Variants in GJA8 observed in about 807,000 individuals in gnomAD.
The protein encoded by GJA8 is gap junction protein alpha 8.
Under a neutral mutation model 15.3 loss-of-function variants are expected in GJA8, and 13 were observed. That is an observed-to-expected ratio of 0.85 (90% CI 0.55 to 1.35). The LOEUF (loss-of-function observed/expected upper bound fraction) is 1.35. Among genes scored for constraint, GJA8 ranks in the 40% most tolerant of loss-of-function variants. GJA8 has a pLI of 0.00. For synonymous variants in GJA8, 304 were observed against 238.7 expected (o/e 1.27, Z -2.52); for missense variants, 607 against 553.3 (o/e 1.10, Z -0.97).
Position 147,908,199 on chromosome 1 carries a change from A to G in GJA8, c.244A>G (p.Ile82Val), listed in dbSNP as rs1558009297. 8.1e-6 allele frequency: 13 copies of G among 1,614,190 alleles called. No individual in the cohort carries two copies. Among genetic ancestry groups the G allele is most frequent in the Non-Finnish European group, 1.1e-5 (13 of 1,180,034 alleles). The part of the protein sequence containing the change: ...ISHIRLWVLQ[I>V]IFVSTPSLMY... The stretch of plus-strand genomic sequence containing the variant: ...CCACATTCGCCTCTGGGTGCTGCAG[A>G]TCATCTTCGTCTCCACCCCGTCCCT... Residue 82 changes from isoleucine to valine, a missense_variant, in exon 2 of 2, where the codon ATC (isoleucine) becomes GTC (valine). Coordinates refer to ENST00000369235, the MANE Select transcript of GJA8 (RefSeq NM_005267.5).
intron 1 of GJA8, among the ~76,000 whole-genome samples, chr1:147,905,391 G>A (rs956296711): frequency 1.3e-5 from 2 of 152,228 alleles, no homozygotes; most frequent in Non-Finnish European, 2.9e-5. Context: ...CTGAGAGCAT[G>A]TGCTCATCAC....
downstream of GJA8, among the ~76,000 whole-genome samples, chr1:147,909,845 G>A (rs113497979): frequency 1.3e-5 from 2 of 152,128 alleles, no homozygotes; most frequent in Non-Finnish European, 2.9e-5. Context: ...TGGTCTTTCT[G>A]ATTTTTCAAG....
chr1:147,905,821 C>T (rs1443677660), intron 1 of GJA8, among the ~76,000 whole-genome samples: 1 of 152,212 alleles, frequency 6.6e-6, no homozygotes, highest in African/African-American at 2.4e-5. Context: ...TCCCCCTCTC[C>T]ATTACCCATT....
At chr1:147,905,510 A>T (rs587759434) in intron 1 of GJA8, among the ~76,000 whole-genome samples, 6 of 152,370 alleles carry the variant, frequency 3.9e-5, no homozygotes, top group African/African-American at 1.4e-4. Flanking sequence ...TATTAGTAAG[A>T]TAGTAAGATA....
chr1:147,908,963 G>T lies in GJA8; in HGVS notation c.1008G>T (p.Pro336=), dbSNP rs782777317. Residue 336 remains proline (P), a synonymous_variant, in exon 2 of 2, where the codon CCG becomes CCT. Coordinates refer to ENST00000369235, the MANE Select transcript of GJA8 (RefSeq NM_005267.5). ...CACAAGAAGTGGAGGGCGAGGGGCCGCCTGCAGAGGAGGGAGCCGAACCCG... is the reference window on the plus strand; with the variant it reads ...CACAAGAAGTGGAGGGCGAGGGGCCTCCTGCAGAGGAGGGAGCCGAACCCG... ...VGAQEVEGEG[P]PAEEGAEPEV... The T allele has an allele frequency of 8.7e-6, 14 of 1,602,444 alleles. No individual in the cohort carries two copies. In the South Asian group the frequency reaches 1.6e-4, roughly 18 times the overall value.
rs369615842 is a variant in GJA8, at chr1:147,908,161, C to G, written c.206C>G (p.Ala69Gly). 6.2e-7 allele frequency: 1 copy of G among 1,614,098 alleles called. No homozygotes were observed. Among genetic ancestry groups the G allele is most frequent in the Non-Finnish European group, 8.5e-7 (1 of 1,180,026 alleles). ...TGCGAGAACGTCTGCTACGACGAGG[C>G]CTTTCCCATCTCCCACATTCGCCTC... ...PGCENVCYDE[A>G]FPISHIRLWV... Residue 69 changes from alanine (A) to glycine (G), a missense_variant, in exon 2 of 2, where the codon GCC becomes GGC. Ala to Gly is a moderately conservative substitution (Grantham distance 60). Transcript: ENST00000369235.
Position 147,908,184 on chromosome 1 carries a change from C to T in GJA8, c.229C>T (p.Leu77Phe). The change falls in exon 2 of 2, where the codon CTC becomes TTC. Residue 77 changes from leucine to phenylalanine, a missense_variant. Transcript: ENST00000369235. ...GGCCTTTCCCATCTCCCACATTCGC[C>T]TCTGGGTGCTGCAGATCATCTTCGT... ...DEAFPISHIR[L>F]WVLQIIFVST... The T allele has an allele frequency of 6.2e-7, 1 of 1,614,232 alleles. No homozygotes were observed. The highest frequency in any genetic ancestry group is 8.5e-7 in the Non-Finnish European group (1 of 1,180,034).
intron 1 of GJA8, among the ~76,000 whole-genome samples, chr1:147,906,003 G>A (rs1316152688): frequency 6.6e-6 from 1 of 152,228 alleles, no homozygotes; most frequent in Non-Finnish European, 1.5e-5. Flanking sequence ...CAGCTATTGT[G>A]CCTGCCCTGA....
chr1:147,909,254 A>ATC lies in GJA8; in HGVS notation c.1300_1301insCT (p.Ter434SerfsTer?). The ATC allele has an allele frequency of 9.6e-7, 1 of 1,046,204 alleles. No homozygotes were observed. The highest frequency in any genetic ancestry group is 1.4e-6 in the Non-Finnish European group (1 of 706,078). 64.8% of individuals were successfully genotyped at this position (1,046,204 alleles called of 1,614,324 possible). A position where few individuals can be genotyped will look rare whatever the true frequency, so the allele number is the denominator to read the frequency against. On this transcript the variant is annotated frameshift_variant, in exon 2 of 2. Transcript: ENST00000369235. LOFTEE classifies it high-confidence loss of function. Reference sequence around the variant, plus strand: ...GAGCCAGGTCAGACGATCTAACCGTATGAAGTGACGCCAAAGAAAAAAAAA... The same window carrying ATC: ...GAGCCAGGTCAGACGATCTAACCGTATCTGAAGTGACGCCAAAGAAAAAAAAA...
In GJA8 at chr1:147,908,652, C is replaced by G; in HGVS notation, c.697C>G (p.Arg233Gly). The G allele has an allele frequency of 6.2e-7, 1 of 1,614,112 alleles. No homozygotes were observed. The highest frequency in any genetic ancestry group is 8.5e-7 in the Non-Finnish European group (1 of 1,179,986). ...GGGCCACCTGGGCCTGAAGGGGATCCGGTCTGCCTTGAAGAGGCCTGTAGA... is the reference window on the plus strand; with the variant it reads ...GGGCCACCTGGGCCTGAAGGGGATCGGGTCTGCCTTGAAGAGGCCTGTAGA... ...ELGHLGLKGI[R>G]SALKRPVEQP... Residue 233 changes from arginine (R) to glycine (G), a missense_variant, in exon 2 of 2, where the codon CGG (arginine) becomes GGG (glycine). Arg to Gly is a moderately radical substitution (Grantham distance 125). Coordinates refer to ENST00000369235, the MANE Select transcript of GJA8 (RefSeq NM_005267.5).
At chr1:147,907,832 T>G in intron 1 of GJA8, 113 bp from the exon 2 acceptor site, 1 of 784,742 alleles carries the variant, frequency 1.3e-6, no homozygotes, top group Non-Finnish European at 2.3e-6. Context: ...TGTGTGCACA[T>G]TGACCGTTCT....
chr1:147,908,177 C>G lies in GJA8; in HGVS notation c.222C>G (p.His74Gln). The G allele has an allele frequency of 6.2e-7, 1 of 1,614,260 alleles. No individual in the cohort carries two copies. Among genetic ancestry groups the G allele is most frequent in the Admixed American group, 1.7e-5 (1 of 60,036 alleles). The change falls in exon 2 of 2, where the codon CAC becomes CAG. Residue 74 changes from histidine to glutamine, a missense_variant. Transcript: ENST00000369235. ...ACGACGAGGCCTTTCCCATCTCCCA[C>G]ATTCGCCTCTGGGTGCTGCAGATCA... ...VCYDEAFPIS[H>Q]IRLWVLQIIF...
At chr1:147,913,606 G>A (rs1440212061), downstream of GJA8, among the ~76,000 whole-genome samples, 1 of 152,140 alleles carries the variant, frequency 6.6e-6, no homozygotes, top group African/African-American at 2.4e-5. Context: ...CATGTGGAAG[G>A]CCTAGGACAA....
Position 147,909,088 on chromosome 1 carries a change from A to G in GJA8, c.1133A>G (p.Asp378Gly). 6.2e-7 allele frequency: 1 copy of G among 1,611,858 alleles called. No homozygotes were observed. Among genetic ancestry groups the G allele is most frequent in the Non-Finnish European group, 8.5e-7 (1 of 1,178,900 alleles). ...EGEKVETPGV[D>G]KEGEKEEPQS... ...GAGAAAGTAGAGACCCCCGGAGTGGATAAGGAGGGTGAAAAAGAAGAGCCG... is the reference window on the plus strand; with the variant it reads ...GAGAAAGTAGAGACCCCCGGAGTGGGTAAGGAGGGTGAAAAAGAAGAGCCG... Residue 378 changes from aspartate to glycine, a missense_variant, in exon 2 of 2, where the codon GAT (aspartate) becomes GGT (glycine). Asp to Gly is a moderately conservative substitution (Grantham distance 94). Transcript: ENST00000369235.
chr1:147,912,915 A>AG (rs1652232341), downstream of GJA8, among the ~76,000 whole-genome samples: 1 of 150,036 alleles, frequency 6.7e-6, no homozygotes. Flanking sequence ...AAAAAAAAAA[A>AG]GAAAGAAAAG....
rs782036781 is a variant in GJA8, at chr1:147,908,327, G to C, written c.372G>C (p.Pro124=). 1 of 1,614,070 alleles carries C rather than the reference G, an allele frequency of 6.2e-7. No individual in the cohort carries two copies. The highest frequency in any genetic ancestry group is 1.1e-5 in the South Asian group (1 of 91,080). Residue 124 remains proline, a synonymous_variant, in exon 2 of 2, where the codon CCG becomes CCC. Transcript: ENST00000369235. ...AGCAGGCGGGGACTAACGGCGGCCC[G>C]GACCAGGGCAGCGTCAAGAAGAGCA... ...LGQQAGTNGG[P]DQGSVKKSSG...
chr1:147,908,678 G>T lies in GJA8; in HGVS notation c.723G>T (p.Glu241Asp). ...GIRSALKRPVEQPLGEIPEKS... is the reference protein window; with the variant it reads ...GIRSALKRPVDQPLGEIPEKS... ...GGTCTGCCTTGAAGAGGCCTGTAGA[G>T]CAGCCCCTGGGGGAGATTCCTGAGA... is the stretch of plus-strand genomic sequence containing the variant. Residue 241 changes from glutamate (E) to aspartate (D), a missense_variant, in exon 2 of 2, where the codon GAG (glutamate) becomes GAT (aspartate). Coordinates refer to ENST00000369235, the MANE Select transcript of GJA8 (RefSeq NM_005267.5). 6.2e-7 allele frequency: 1 copy of T among 1,614,158 alleles called. No homozygotes were observed. Among genetic ancestry groups the T allele is most frequent in the South Asian group, 1.1e-5 (1 of 91,090 alleles).
chr1:147,912,823 T>A (rs1553243638), downstream of GJA8, among the ~76,000 whole-genome samples: 1 of 150,112 alleles, frequency 6.7e-6, no homozygotes, highest in African/African-American at 2.5e-5. Flanking sequence ...CAAGAATAGA[T>A]GTACTCAAAG....
At position 147,908,190 on chromosome 1, in the gene GJA8, G is replaced by A. The variant is rs782285117; in HGVS notation, c.235G>A (p.Val79Met). 6.2e-7 allele frequency: 1 copy of A among 1,614,216 alleles called. No individual in the cohort carries two copies. Among genetic ancestry groups the A allele is most frequent in the South Asian group, 1.1e-5 (1 of 91,090 alleles). Residue 79 changes from valine to methionine, a missense_variant, in exon 2 of 2, where the codon GTG (valine) becomes ATG (methionine). Transcript: ENST00000369235. ...AFPISHIRLW[V>M]LQIIFVSTPS... ...TCCCATCTCCCACATTCGCCTCTGG[G>A]TGCTGCAGATCATCTTCGTCTCCAC...
Sources: gnomAD v4.1 joint callset for allele counts (sites outside exome capture counted in the v4.1 genomes callset) on GRCh38, gnomAD v4.1.1 for gene constraint, MANE v1.5 for transcripts, NCBI Gene and HGNC (gene_info 2026-07-23, HGNC 2026-07-21) for gene names.